The following B3GALT1 variants were observed in gnomAD, a reference collection of about 807,000 sequenced individuals.
B3GALT1 encodes the protein beta-1,3-galactosyltransferase 1, also known as UDP-Gal:betaGlcNAc beta 1,3-galactosyltransferase, polypeptide 1.
B3GALT1 carries 10 observed loss-of-function variants against 23.2 expected under a neutral mutation model. The observed-to-expected ratio is 0.43, with a 90% CI of 0.27 to 0.73. B3GALT1 has a LOEUF of 0.73. Ranked by LOEUF, B3GALT1 falls within the 30% of genes least tolerant of loss-of-function variation. B3GALT1 has a pLI of 0.21. For synonymous variants in B3GALT1, 156 were observed against 141.5 expected, an observed-to-expected ratio of 1.10 and a Z score of -0.73; for missense variants, 299 against 405.4, an observed-to-expected ratio of 0.74 and a Z score of 2.25.
intron 2 of B3GALT1, among the ~76,000 whole-genome samples, chr2:167,528,375 G>C (rs545067147): frequency 6.6e-6 from 1 of 152,082 alleles, no homozygotes; most frequent in South Asian, 2.1e-4. Flanking sequence ...GGTCTGTTTT[G>C]TGCGTCTGGA....
At chr2:167,512,582 A>ATATATATG (rs1558887757) in intron 2 of B3GALT1, among the ~76,000 whole-genome samples, 4 of 75,308 alleles carry the variant, frequency 5.3e-5, no homozygotes, top group East Asian at 4.3e-3. Flanking sequence ...ATATATATGT[A>ATATATATG]TATATATATG....
intron 3 of B3GALT1, among the ~76,000 whole-genome samples, chr2:167,749,944 T>G (rs572576517): frequency 8.1e-4 from 124 of 152,330 alleles, no homozygotes; most frequent in African/African-American, 2.9e-3. Context: ...CTCTGCCCTT[T>G]GGCAGTGATG....
chr2:167,594,259 C>A (rs933445441), intron 2 of B3GALT1, among the ~76,000 whole-genome samples: 1 of 152,160 alleles, frequency 6.6e-6, no homozygotes, highest in Non-Finnish European at 1.5e-5. Flanking sequence ...AATCAAGGCA[C>A]TGCATGTCCT....
intron 3 of B3GALT1, among the ~76,000 whole-genome samples, chr2:167,769,840 T>C (rs190213970): frequency 4.6e-5 from 7 of 152,336 alleles, no homozygotes; most frequent in African/African-American, 1.7e-4. Context: ...TTTGCCAGAA[T>C]CAGACATATA....
chr2:167,560,781 T>G (rs1189836395), intron 2 of B3GALT1, among the ~76,000 whole-genome samples: 1 of 152,122 alleles, frequency 6.6e-6, no homozygotes, highest in Non-Finnish European at 1.5e-5. Flanking sequence ...ATGCACCCAA[T>G]ACAGGGGCAC....
chr2:167,704,160 A>G (rs1291798333), intron 3 of B3GALT1, among the ~76,000 whole-genome samples: 4 of 147,792 alleles, frequency 2.7e-5, no homozygotes, highest in South Asian at 2.3e-4. Flanking sequence ...CAGACTGGGC[A>G]AAGGAGCGAA....
At chr2:167,472,690 CAG>C (rs1258506111) in intron 1 of B3GALT1, among the ~76,000 whole-genome samples, 1 of 152,082 alleles carries the variant, frequency 6.6e-6, no homozygotes, top group Non-Finnish European at 1.5e-5. Flanking sequence ...CTTCCTTTGT[CAG>C]AGTCTTTGCC....
intron 2 of B3GALT1, among the ~76,000 whole-genome samples, chr2:167,558,889 A>T (rs964482843): frequency 8.5e-5 from 13 of 152,298 alleles, no homozygotes; most frequent in South Asian, 2.1e-4. Context: ...GGGCACAGAC[A>T]AACAAAAAGA....
At chr2:167,707,966 G>A (rs1298374946) in intron 3 of B3GALT1, among the ~76,000 whole-genome samples, 1 of 152,188 alleles carries the variant, frequency 6.6e-6, no homozygotes, top group Non-Finnish European at 1.5e-5. Flanking sequence ...GCATAGTGTG[G>A]GTTTCAATGT....
intron 2 of B3GALT1, among the ~76,000 whole-genome samples, chr2:167,538,480 C>T (rs1350226770): frequency 1.3e-5 from 2 of 152,078 alleles, no homozygotes; most frequent in Non-Finnish European, 2.9e-5. Flanking sequence ...GGTGAGGACA[C>T]ATTAAGGGTG....
intron 1 of B3GALT1, among the ~76,000 whole-genome samples, chr2:167,349,065 G>A (rs866638415): frequency 6.6e-6 from 1 of 152,184 alleles, no homozygotes; most frequent in South Asian, 2.1e-4. Context: ...GAAATAAGTG[G>A]TGAAATAGGT....
Position 167,762,593 on chromosome 2 carries a change from A to C in B3GALT1, c.-351-56079A>C, listed in dbSNP as rs531876467. The stretch of plus-strand genomic sequence containing the variant: ...CTGGACCAAAAATAAAAAAAAAAAA[A>C]AAACACTAATGAACTGAAAAGATAA... On this transcript the variant is annotated intron_variant, in intron 3 of 4. Transcript: ENST00000392690. Among the ~76,000 whole-genome samples the C allele has an allele frequency of 3.7e-4, 56 of 152,062 alleles. 2 individuals are homozygous for C. The South Asian group carries it at 0.011, about 29-fold the overall frequency.
chr2:167,582,870 A>G (rs1000340424), intron 2 of B3GALT1, among the ~76,000 whole-genome samples: 3 of 152,060 alleles, frequency 2.0e-5, no homozygotes, highest in East Asian at 1.9e-4. Flanking sequence ...TCTGTCTCAC[A>G]CTCATGTTGA....
At chr2:167,710,043 G>T (rs1687025284) in intron 3 of B3GALT1, among the ~76,000 whole-genome samples, 1 of 151,188 alleles carries the variant, frequency 6.6e-6, no homozygotes, top group South Asian at 2.1e-4. Flanking sequence ...TGGGTACCCA[G>T]AAAAAAAAAT....
intron 3 of B3GALT1, among the ~76,000 whole-genome samples, chr2:167,808,504 G>A (rs1460579538): frequency 1.3e-5 from 2 of 151,766 alleles, no homozygotes; most frequent in South Asian, 2.1e-4. Context: ...CTCAGCATTT[G>A]CTTGTCTGTA....
chr2:167,626,886 G>A (rs983799286), intron 2 of B3GALT1, among the ~76,000 whole-genome samples: 6 of 151,622 alleles, frequency 4.0e-5, no homozygotes, highest in Non-Finnish European at 8.9e-5. Flanking sequence ...AGGAGAGAGT[G>A]GAAATGGGTA....
At chr2:167,648,558 A>G (rs1203760659) in intron 3 of B3GALT1, among the ~76,000 whole-genome samples, 1 of 152,162 alleles carries the variant, frequency 6.6e-6, no homozygotes, top group African/African-American at 2.4e-5. Context: ...ACACTAATGT[A>G]TAGATTTCTC....
At chr2:167,717,305 A>G (rs1321636191) in intron 3 of B3GALT1, among the ~76,000 whole-genome samples, 3 of 135,802 alleles carry the variant, frequency 2.2e-5, no homozygotes, top group Admixed American at 1.5e-4. Flanking sequence ...TTTTTTTTTT[A>G]TACTTTTAAG....
intron 1 of B3GALT1, among the ~76,000 whole-genome samples, chr2:167,359,506 AT>A (rs1293111953): frequency 1.3e-5 from 2 of 152,206 alleles, no homozygotes; most frequent in Non-Finnish European, 2.9e-5. Context: ...TTTAATGTAC[AT>A]TCTAGGTGAT....
Sources: gnomAD v4.1 joint callset for allele counts (sites outside exome capture counted in the v4.1 genomes callset) on GRCh38, gnomAD v4.1.1 for gene constraint, MANE v1.5 for transcripts, NCBI Gene and HGNC (gene_info 2026-07-23, HGNC 2026-07-21) for gene names.